The following ALDH7A1 variants were observed in gnomAD, a reference collection of about 807,000 sequenced individuals.
The protein encoded by ALDH7A1 is aldehyde dehydrogenase 7 family member A1, also known as alpha-aminoadipic semialdehyde dehydrogenase.
Under a neutral mutation model 79.9 loss-of-function variants are expected in ALDH7A1, and 63 were observed. The observed-to-expected ratio is 0.79, with a 90% CI of 0.64 to 0.97. The LOEUF is 0.97. Among genes scored for constraint, ALDH7A1 ranks in the 50% least tolerant of loss-of-function variants. The pLI, the probability that ALDH7A1 is intolerant of heterozygous loss-of-function variation, is 0.00. For synonymous variants in ALDH7A1, 240 were observed against 231.2 expected (o/e 1.04, Z -0.34); for missense variants, 627 against 665.2 (o/e 0.94, Z 0.63).
intron 3 of ALDH7A1, among the ~76,000 whole-genome samples, chr5:126,589,839 T>C (rs542784354): frequency 1.2e-3 from 183 of 147,404 alleles, no homozygotes; most frequent in African/African-American, 4.5e-3. Context: ...TCTGCCCAGC[T>C]GCCGCCCCAT....
chr5:126,561,106 A>G lies in ALDH7A1; in HGVS notation c.890T>C (p.Leu297Pro). ...ACCAATAATGGCATTGTTTCCTCCA[A>G]GTTCCAACAGACTTCTCCCTTAAAA... is the stretch of plus-strand genomic sequence containing the variant. ...QERFGRSLLE[L>P]GGNNAIIAFE... Residue 297 changes from leucine to proline, a missense_variant, in exon 10 of 18, where the codon CTT becomes CCT. Leu to Pro is a moderately conservative substitution (Grantham distance 98). Coordinates refer to ENST00000409134, the MANE Select transcript of ALDH7A1 (RefSeq NM_001182.5). The G allele has an allele frequency of 6.2e-7, 1 of 1,612,960 alleles. No individual in the cohort carries two copies. Among genetic ancestry groups the G allele is most frequent in the Non-Finnish European group, 8.5e-7 (1 of 1,179,538 alleles).
intron 13 of ALDH7A1, among the ~76,000 whole-genome samples, chr5:126,553,908 G>A (rs1295061186): frequency 6.6e-6 from 1 of 151,994 alleles, no homozygotes; most frequent in East Asian, 1.9e-4. Flanking sequence ...AGGAGTTAGA[G>A]ACCAGCCTGG....
At chr5:126,574,196 C>A (rs1227854268) in intron 7 of ALDH7A1, among the ~76,000 whole-genome samples, 2 of 151,810 alleles carry the variant, frequency 1.3e-5, no homozygotes, top group African/African-American at 4.8e-5. Context: ...GTCAAGACAT[C>A]GAGACCATCC....
chr5:126,567,430 T>C (rs892550936), intron 9 of ALDH7A1, among the ~76,000 whole-genome samples: 17 of 152,346 alleles, frequency 1.1e-4, no homozygotes, highest in Middle Eastern at 3.4e-3. Flanking sequence ...AAATATTCTA[T>C]GTGATTCAAT....
At chr5:126,574,201 C>T (rs1750884684) in intron 7 of ALDH7A1, among the ~76,000 whole-genome samples, 1 of 151,704 alleles carries the variant, frequency 6.6e-6, no homozygotes, top group Non-Finnish European at 1.5e-5. Flanking sequence ...GACATCGAGA[C>T]CATCCTGGCC....
intron 3 of ALDH7A1, among the ~76,000 whole-genome samples, chr5:126,591,455 C>T (rs1297575716): frequency 1.4e-5 from 2 of 145,480 alleles, no homozygotes. Flanking sequence ...TCCACCCCAA[C>T]CCCACCCAAC....
At chr5:126,560,997 T>G in intron 10 of ALDH7A1, 86 bp downstream of exon 10, 5,744 of 1,389,834 alleles carry the variant, frequency 4.1e-3, no homozygotes, top group Non-Finnish European at 5.3e-3. Context: ...ATGGACGAAA[T>G]GAGATCCCAA....
chr5:126,582,292 C>T (rs1751204346), intron 5 of ALDH7A1: 5 of 392,228 alleles, frequency 1.3e-5, no homozygotes, highest in Non-Finnish European at 2.2e-5. Flanking sequence ...ATGAATCTAT[C>T]GTTTCTTCAA....
chr5:126,593,326 C>CACACACAT lies in ALDH7A1; in HGVS notation c.246+24_246+25insATGTGTGT, dbSNP rs1751617542. 6 of 1,609,734 alleles carry CACACACAT rather than the reference C, an allele frequency of 3.7e-6. No homozygotes were observed. The African/African-American group carries it at 8.0e-5, about 22-fold the overall frequency. ...TGAATTAAACACACACACACACACACACACACACACACACACACTCTTACC... is the reference window on the plus strand; with the variant it reads ...TGAATTAAACACACACACACACACACACACACATACACACACACACACACACTCTTACC... On this transcript the variant is annotated intron_variant, in intron 2 of 17. Coordinates refer to ENST00000409134, the MANE Select transcript of ALDH7A1 (RefSeq NM_001182.5).
At chr5:126,560,262 A>C (rs1176043989) in intron 10 of ALDH7A1, among the ~76,000 whole-genome samples, 1 of 152,196 alleles carries the variant, frequency 6.6e-6, no homozygotes. Flanking sequence ...ACCTGAAGTC[A>C]GGAGTTCAAG....
intron 9 of ALDH7A1, chr5:126,567,763 T>C (rs1052392501): frequency 1.8e-5 from 3 of 170,882 alleles, no homozygotes; most frequent in African/African-American, 7.5e-5. Context: ...TAAGCCACTG[T>C]GCCTGGCTTG....
chr5:126,569,388 G>T, intron 8 of ALDH7A1: 2 of 152,142 alleles, frequency 1.3e-5, no homozygotes, highest in African/African-American at 4.8e-5. Context: ...GCTATGCTAG[G>T]ATTTCCAGTT....
chr5:126,567,897 C>T (rs1213121331), intron 9 of ALDH7A1: 2 of 304,916 alleles, frequency 6.6e-6, no homozygotes, highest in Non-Finnish European at 1.3e-5. Flanking sequence ...CATTCTCTTG[C>T]CTCAGCCTCC....
chr5:126,547,921 G>A (rs796732697), intron 16 of ALDH7A1, among the ~76,000 whole-genome samples: 63 of 151,976 alleles, frequency 4.1e-4, no homozygotes, highest in Middle Eastern at 3.4e-3. Flanking sequence ...GCATGGTGGC[G>A]TGCACCTGTA....
intron 7 of ALDH7A1, among the ~76,000 whole-genome samples, chr5:126,573,405 A>G (rs906150861): frequency 6.6e-6 from 1 of 152,084 alleles, no homozygotes; most frequent in African/African-American, 2.4e-5. Flanking sequence ...TACTAAAAAT[A>G]TAAAAATTAG....
intron 9 of ALDH7A1, 96 bp from the exon 10 acceptor site, chr5:126,561,220 C>A: frequency 1.0e-6 from 1 of 997,156 alleles, no homozygotes. Flanking sequence ...AATTATATAG[C>A]CTGTCCAATT....
intron 11 of ALDH7A1, among the ~76,000 whole-genome samples, chr5:126,556,740 T>C (rs1750209689): frequency 6.6e-6 from 1 of 152,124 alleles, no homozygotes. Flanking sequence ...GAGGAGGCCT[T>C]AATTAGGTGA....
chr5:126,568,832 T>A (rs564787884), intron 8 of ALDH7A1: 1 of 180,090 alleles, frequency 5.6e-6, no homozygotes, highest in East Asian at 1.3e-4. Context: ...GGTAGGAGGA[T>A]CACTTGAAAC....
intron 11 of ALDH7A1, among the ~76,000 whole-genome samples, chr5:126,557,412 T>C (rs904369939): frequency 2.0e-5 from 3 of 151,414 alleles, no homozygotes; most frequent in Admixed American, 2.0e-4. Context: ...CATGGCAAAA[T>C]CCCATCTCTA....
Sources: allele counts gnomAD v4.1 joint callset (sites outside exome capture counted in the v4.1 genomes callset), GRCh38; gene constraint gnomAD v4.1.1; transcripts MANE v1.5; gene names NCBI Gene and HGNC (gene_info 2026-07-23, HGNC 2026-07-21).